SPECC1: variants seen among roughly 807,000 people sequenced by gnomAD.
SPECC1 encodes cytospin-B.
Under a neutral mutation model 104.1 loss-of-function variants are expected in SPECC1, and 62 were observed. The observed-to-expected ratio is 0.60, with a 90% CI of 0.49 to 0.74. SPECC1 has a LOEUF of 0.74. Among genes scored for constraint, SPECC1 ranks in the 30% least tolerant of loss-of-function variants. The pLI, the probability that SPECC1 is intolerant of heterozygous loss-of-function variation, is 0.00. For missense variants in SPECC1, 1,306 were observed against 1,310.5 expected (o/e 1.00, Z 0.05); for synonymous variants, 513 against 501.6 (o/e 1.02, Z -0.30).
chr17:20,063,260 A>G (rs1384367279), intron 1 of SPECC1, among the ~76,000 whole-genome samples: 1 of 152,130 alleles, frequency 6.6e-6, no homozygotes. Flanking sequence ...TTGCCTTTTC[A>G]TATCCTTTGC....
chr17:20,025,268 T>C (rs887202408), intron 1 of SPECC1, among the ~76,000 whole-genome samples: 5 of 152,210 alleles, frequency 3.3e-5, no homozygotes, highest in Non-Finnish European at 7.3e-5. Flanking sequence ...GCTGACACCT[T>C]GATCTCAGAG....
At position 20,308,594 on chromosome 17, in the gene SPECC1, TAAG is replaced by T. The variant is rs2041841512; in HGVS notation, c.3117+2517_3117+2519del. On this transcript the variant is annotated intron_variant, in intron 14 of 14. Coordinates refer to ENST00000395527, the MANE Select transcript of SPECC1 (RefSeq NM_001243439.2). ...TAAATGTAAATATTCCTATGAAACT[TAAG>T]AAGACATAAAACTTTAACCATTGAA... Among the ~76,000 whole-genome samples, 4 of 152,290 alleles carry T rather than the reference TAAG, an allele frequency of 2.6e-5. No individual in the cohort carries two copies. In the South Asian group the frequency reaches 8.3e-4, roughly 32 times the overall value.
At chr17:20,196,895 G>A (rs1597945068) in intron 3 of SPECC1, among the ~76,000 whole-genome samples, 2 of 152,180 alleles carry the variant, frequency 1.3e-5, no homozygotes, top group East Asian at 3.8e-4. Context: ...AATTTTTAAA[G>A]CTGTTTGTAT....
intron 2 of SPECC1, among the ~76,000 whole-genome samples, chr17:20,106,540 C>G (rs560995113): frequency 6.6e-6 from 1 of 152,280 alleles, no homozygotes; most frequent in South Asian, 2.1e-4. Flanking sequence ...CCCCACATGT[C>G]ACAGGAGGGA....
rs571281532 is a variant in SPECC1 at position 20,077,646 on chromosome 17, T to C, written c.-21-18985T>C. The stretch of plus-strand genomic sequence containing the variant: ...CACGCCTGGCTAAGTTTTGTATTTT[T>C]AGTAGAGGTGGGGTTTTGCAATGTT... On this transcript the variant is annotated intron_variant, in intron 1 of 14. Transcript: ENST00000395527. Among the ~76,000 whole-genome samples the C allele has an allele frequency of 1.3e-4, 20 of 152,184 alleles. 1 individual carries two copies. The East Asian group carries it at 3.9e-3, about 29-fold the overall frequency.
chr17:20,197,119 T>G (rs1170488807), intron 3 of SPECC1, among the ~76,000 whole-genome samples: 4 of 152,242 alleles, frequency 2.6e-5, no homozygotes, highest in African/African-American at 9.6e-5. Context: ...GTTTCTTAAT[T>G]GGATTACTGG....
chr17:20,200,705 C>T (rs2036369646), intron 3 of SPECC1, among the ~76,000 whole-genome samples: 2 of 152,178 alleles, frequency 1.3e-5, no homozygotes, highest in African/African-American at 4.8e-5. Context: ...CCTGTCAGTA[C>T]CCACGAGGAG....
intron 3 of SPECC1, among the ~76,000 whole-genome samples, chr17:20,115,508 A>G (rs187533622): frequency 1.3e-5 from 2 of 152,196 alleles, no homozygotes; most frequent in Admixed American, 1.3e-4. Context: ...AATAAAAAAA[A>G]TTGGAGATCA....
At chr17:20,207,340 G>T (rs2036855724) in intron 4 of SPECC1, among the ~76,000 whole-genome samples, 1 of 152,166 alleles carries the variant, frequency 6.6e-6, no homozygotes, top group South Asian at 2.1e-4. Flanking sequence ...AAATTTGTAG[G>T]TATTTTATTG....
intron 3 of SPECC1, among the ~76,000 whole-genome samples, chr17:20,160,491 T>G (rs2033039756): frequency 6.6e-6 from 1 of 152,184 alleles, no homozygotes; most frequent in Non-Finnish European, 1.5e-5. Flanking sequence ...AGCATGCATA[T>G]TGGTAAACAT....
intron 12 of SPECC1, among the ~76,000 whole-genome samples, chr17:20,284,150 G>A (rs2040866771): frequency 6.6e-6 from 1 of 152,146 alleles, no homozygotes; most frequent in Non-Finnish European, 1.5e-5. Context: ...CAAGCGATGC[G>A]AGACTAATCC....
chr17:20,014,886 T>G (rs1250157435), intron 1 of SPECC1, among the ~76,000 whole-genome samples: 1 of 152,050 alleles, frequency 6.6e-6, no homozygotes, highest in African/African-American at 2.4e-5. Flanking sequence ...TCCCAAGTAG[T>G]TGGGATTACA....
Position 20,162,001 on chromosome 17 carries a change from G to A in SPECC1, c.284-42332G>A, listed in dbSNP as rs186640313. Among the ~76,000 whole-genome samples the A allele has an allele frequency of 3.3e-3, 509 of 151,984 alleles. 3 individuals are homozygous for A. Among genetic ancestry groups the A allele is most frequent in the African/African-American group, 0.012 (482 of 41,440 alleles). Reference sequence around the variant, plus strand: ...GTAGAGACGGGGTTTCGCCATGTTGGCCAGGCTGGTCTCCAATTCCTGACC... The same window carrying A: ...GTAGAGACGGGGTTTCGCCATGTTGACCAGGCTGGTCTCCAATTCCTGACC... On this transcript the variant is annotated intron_variant, in intron 3 of 14. Transcript: ENST00000395527.
chr17:20,095,070 T>G (rs1273915085), intron 1 of SPECC1, among the ~76,000 whole-genome samples: 2 of 152,266 alleles, frequency 1.3e-5, no homozygotes, highest in Non-Finnish European at 2.9e-5. Flanking sequence ...ACTCCGGCTC[T>G]GTTCATTCAT....
chr17:20,082,339 A>C (rs1052206613), intron 1 of SPECC1, among the ~76,000 whole-genome samples: 2 of 152,188 alleles, frequency 1.3e-5, no homozygotes, highest in African/African-American at 4.8e-5. Context: ...CATTGGAGTC[A>C]AAATCAAGGT....
At position 20,091,677 on chromosome 17, in the gene SPECC1, TC is replaced by T. The variant is rs149241757; in HGVS notation, c.-21-4953del. On this transcript the variant is annotated intron_variant, in intron 1 of 14. Coordinates refer to ENST00000395527, the MANE Select transcript of SPECC1 (RefSeq NM_001243439.2). ...TTTTCAACATGTGGTTCACTTACGT[TC>T]TATTTCCTGCTGAGTCCCCTGGCAA... Among the ~76,000 whole-genome samples the T allele has an allele frequency of 1.2e-3, 187 of 152,288 alleles. 1 individual carries two copies. Among genetic ancestry groups the T allele is most frequent in the African/African-American group, 3.9e-3 (164 of 41,570 alleles).
chr17:20,071,013 T>G (rs1031440110), intron 1 of SPECC1, among the ~76,000 whole-genome samples: 1 of 152,114 alleles, frequency 6.6e-6, no homozygotes, highest in Non-Finnish European at 1.5e-5. Flanking sequence ...GGTTGACGTG[T>G]GGTCTTTCTT....
At chr17:20,289,892 G>A (rs896846248) in intron 12 of SPECC1, among the ~76,000 whole-genome samples, 10 of 152,304 alleles carry the variant, frequency 6.6e-5, no homozygotes, top group Admixed American at 2.6e-4. Context: ...CTCTGCCAAC[G>A]TCAGCAATAA....
chr17:20,082,348 G>A (rs2047006916), intron 1 of SPECC1, among the ~76,000 whole-genome samples: 1 of 152,072 alleles, frequency 6.6e-6, no homozygotes, highest in Non-Finnish European at 1.5e-5. Context: ...CAAAATCAAG[G>A]TGTTATTTTG....
Sources: allele counts gnomAD v4.1 joint callset (sites outside exome capture counted in the v4.1 genomes callset), GRCh38; gene constraint gnomAD v4.1.1; transcripts MANE v1.5; gene names NCBI Gene and HGNC (gene_info 2026-07-23, HGNC 2026-07-21).